Variants in ZFP1 observed in about 807,000 individuals in gnomAD.
ZFP1 encodes the protein zinc finger protein 1 homolog.
In ZFP1, 32 loss-of-function variants were observed where a neutral mutation model predicts 38.5. That is an observed-to-expected ratio of 0.83 (90% CI 0.63 to 1.12). The LOEUF is 1.12. Ranked by LOEUF, ZFP1 falls within the 50% of genes most tolerant of loss-of-function variation. The probability of loss-of-function intolerance (pLI) is 0.00; values close to 1 mark genes in which losing one functional copy is unlikely to be tolerated. For missense variants in ZFP1, 616 were observed against 480.8 expected (o/e 1.28, Z -2.63); for synonymous variants, 245 against 168.8 (o/e 1.45, Z -3.50).
chr16:75,132,245 C>G, the ZFP1 span, among the ~76,000 whole-genome samples: 1 of 152,006 alleles, frequency 6.6e-6, no homozygotes, highest in African/African-American at 2.4e-5. Context: ...AAAAATTAGC[C>G]AGGCATGGCG....
At chr16:75,161,470 C>G (rs1305007164) in intron 2 of ZFP1, among the ~76,000 whole-genome samples, 3 of 151,400 alleles carry the variant, frequency 2.0e-5, no homozygotes, top group Non-Finnish European at 2.9e-5. Flanking sequence ...TAATTGTAGC[C>G]CTACAGTGAT....
At chr16:75,162,760 C>A (rs997263405) in intron 2 of ZFP1, among the ~76,000 whole-genome samples, 3 of 152,130 alleles carry the variant, frequency 2.0e-5, no homozygotes, top group Non-Finnish European at 4.4e-5. Context: ...AGGATATGCG[C>A]TATTTGGATT....
At chr16:75,129,306 G>C in the ZFP1 span, among the ~76,000 whole-genome samples, 5 of 152,138 alleles carry the variant, frequency 3.3e-5, no homozygotes, top group African/African-American at 9.7e-5. Flanking sequence ...TGAGAGATCA[G>C]ATGAAACCTG....
chr16:75,142,747 G>T, the ZFP1 span, among the ~76,000 whole-genome samples: 1 of 152,142 alleles, frequency 6.6e-6, no homozygotes, highest in Non-Finnish European at 1.5e-5. Context: ...TTGTCACCCA[G>T]GTTGGAGTGC....
the ZFP1 span, among the ~76,000 whole-genome samples, chr16:75,128,877 G>A: frequency 5.3e-4 from 80 of 152,182 alleles, no homozygotes; most frequent in African/African-American, 1.8e-3. Context: ...TGCAACCTCC[G>A]CCTCCGGGGT....
intron 1 of ZFP1, 100 bp from the exon 2 acceptor site, chr16:75,152,809 T>C (rs2037274415): frequency 1.8e-6 from 2 of 1,103,080 alleles, no homozygotes; most frequent in Admixed American, 2.3e-5. Flanking sequence ...AGGTGGTATT[T>C]TCCCAGGTGG....
chr16:75,162,869 A>G (rs568103375), intron 2 of ZFP1, among the ~76,000 whole-genome samples: 1 of 151,876 alleles, frequency 6.6e-6, no homozygotes, highest in Non-Finnish European at 1.5e-5. Flanking sequence ...TGGTTTTAAA[A>G]TTTATATTAC....
At chr16:75,152,109 T>G (rs2037233545) in intron 1 of ZFP1, among the ~76,000 whole-genome samples, 1 of 152,174 alleles carries the variant, frequency 6.6e-6, no homozygotes. Context: ...TAATATGTCT[T>G]TTTTCCTCTG....
chr16:75,172,037 CAAAA>C lies in ZFP1; in HGVS notation c.*1708_*1711del, dbSNP rs898088235. Reference sequence around the variant, plus strand: ...TTTTGGTAAGGACCAAAAAAACAAACAAAAAAAAGACCATCAGTAAGGGAATGGA... The same window carrying C: ...TTTTGGTAAGGACCAAAAAAACAAACAAAAGACCATCAGTAAGGGAATGGA... On this transcript the variant is annotated 3_prime_UTR_variant, in exon 4 of 4. Coordinates refer to ENST00000570010, the MANE Select transcript of ZFP1 (RefSeq NM_153688.4). 2.0e-5 allele frequency: 3 copies of C among 151,226 alleles called. No homozygotes were observed. Among genetic ancestry groups the C allele is most frequent in the East Asian group, 1.9e-4 (1 of 5,164 alleles). 9.4% of individuals were successfully genotyped at this position (151,226 alleles called of 1,614,324 possible).
the ZFP1 span, among the ~76,000 whole-genome samples, chr16:75,133,969 A>T: frequency 1.3e-5 from 2 of 152,072 alleles, no homozygotes; most frequent in African/African-American, 4.8e-5. Context: ...GAATCTCTTG[A>T]ACCCAGGAGG....
At position 75,152,938 on chromosome 16, in the gene ZFP1, C is replaced by T. The variant is rs770984210; in HGVS notation, c.-14C>T. On this transcript the variant is annotated 5_prime_UTR_variant, in exon 2 of 4. Transcript: ENST00000570010. ...GCCTTCATAGTTCTCTGCCTTTGCC[C>T]AAAACTGCAGAAAATGAACAAATCC... The T allele has an allele frequency of 8.7e-6, 14 of 1,613,332 alleles. No individual in the cohort carries two copies. The highest frequency in any genetic ancestry group is 1.2e-5 in the Non-Finnish European group (14 of 1,179,724).
At chr16:75,162,301 T>G (rs2037828483) in intron 2 of ZFP1, among the ~76,000 whole-genome samples, 2 of 151,808 alleles carry the variant, frequency 1.3e-5, no homozygotes, top group Non-Finnish European at 2.9e-5. Flanking sequence ...TGTATTTTTT[T>G]TTTTAGAGAT....
Position 75,171,207 on chromosome 16 carries a change from A to G in ZFP1, c.*873A>G, listed in dbSNP as rs746993072. 1 of 152,234 alleles carries G rather than the reference A, an allele frequency of 6.6e-6. No individual in the cohort carries two copies. Among genetic ancestry groups the G allele is most frequent in the Non-Finnish European group, 1.5e-5 (1 of 68,038 alleles). The allele number at this position is 152,234 out of a possible 1,614,324, so 9.4% of individuals were successfully genotyped here. On this transcript the variant is annotated 3_prime_UTR_variant, in exon 4 of 4. Transcript: ENST00000570010. ...CCAAAATATTGTGTAACACAGACAGAAACCACCTGTTTTTGTCTTTCCTTG... is the reference window on the plus strand; with the variant it reads ...CCAAAATATTGTGTAACACAGACAGGAACCACCTGTTTTTGTCTTTCCTTG...
chr16:75,122,947 G>C, the ZFP1 span, among the ~76,000 whole-genome samples: 1 of 151,804 alleles, frequency 6.6e-6, no homozygotes, highest in Admixed American at 6.6e-5. Flanking sequence ...AAATAATCTA[G>C]GTAAGTAATT....
the ZFP1 span, among the ~76,000 whole-genome samples, chr16:75,134,705 C>T: frequency 0.056 from 8,271 of 146,950 alleles, 310 homozygotes; most frequent in Non-Finnish European, 0.077. Context: ...GAGCCAAGAT[C>T]GCACCACTGC....
the ZFP1 span, among the ~76,000 whole-genome samples, chr16:75,125,571 C>T: frequency 6.6e-6 from 1 of 152,228 alleles, no homozygotes; most frequent in East Asian, 1.9e-4. Flanking sequence ...TGATCACCCA[C>T]CTGGGCCTTC....
chr16:75,165,958 C>A (rs1421576212), intron 2 of ZFP1, among the ~76,000 whole-genome samples: 1 of 152,104 alleles, frequency 6.6e-6, no homozygotes, highest in Admixed American at 6.5e-5. Flanking sequence ...TTTGACTAAT[C>A]ATTTCTTCAG....
chr16:75,147,175 A>G (rs1182570382), upstream of ZFP1, among the ~76,000 whole-genome samples: 4 of 152,140 alleles, frequency 2.6e-5, no homozygotes, highest in African/African-American at 9.7e-5. Context: ...GGGCAGTGAA[A>G]CTATTCTGTA....
chr16:75,124,449 C>T, the ZFP1 span, among the ~76,000 whole-genome samples: 1 of 149,880 alleles, frequency 6.7e-6, no homozygotes, highest in Non-Finnish European at 1.5e-5. Flanking sequence ...CGTGAGCCAC[C>T]ACGCCCGGCT....
Sources: allele counts gnomAD v4.1 joint callset (sites outside exome capture counted in the v4.1 genomes callset), GRCh38; gene constraint gnomAD v4.1.1; transcripts MANE v1.5; gene names NCBI Gene and HGNC (gene_info 2026-07-23, HGNC 2026-07-21).